The following CROCC2 variants were observed in gnomAD, a reference collection of about 807,000 sequenced individuals.
CROCC2 encodes ciliary rootlet coiled-coil protein 2.
In CROCC2, 163 loss-of-function variants were observed where a neutral mutation model predicts 177.6. The observed-to-expected ratio is 0.92, with a 90% CI of 0.81 to 1.05. The LOEUF (loss-of-function observed/expected upper bound fraction) is 1.05. Among genes scored for constraint, CROCC2 ranks in the 50% least tolerant of loss-of-function variants. CROCC2 has a pLI of 0.00. For synonymous variants in CROCC2, 904 were observed against 787.3 expected, an observed-to-expected ratio of 1.15 and a Z score of -2.48; for missense variants, 1,929 against 1,797.8, an observed-to-expected ratio of 1.07 and a Z score of -1.32.
At chr2:240,921,830 A>C (rs1326849520) in intron 3 of CROCC2, among the ~76,000 whole-genome samples, 2 of 152,206 alleles carry the variant, frequency 1.3e-5, no homozygotes, top group Non-Finnish European at 2.9e-5. Context: ...GCATAGCCAC[A>C]GCTGAGGCCC....
At chr2:240,937,483 C>T (rs2059477677) in intron 14 of CROCC2, among the ~76,000 whole-genome samples, 1 of 152,180 alleles carries the variant, frequency 6.6e-6, no homozygotes, top group African/African-American at 2.4e-5. Context: ...TACATTTTCT[C>T]AATGATATTT....
chr2:240,933,809 C>T lies in CROCC2; in HGVS notation c.1603C>T (p.Leu535=). The change falls in exon 11 of 32, where the codon CTG becomes TTG. Residue 535 remains leucine (L), a synonymous_variant. Coordinates refer to ENST00000690015, the MANE Select transcript of CROCC2 (RefSeq NM_001351305.2). ...LLLQAERREE[L]ALRRERSCRA... is the part of the protein sequence containing the mutation. ...GCTGCAGGCAGAGCGGAGGGAGGAG[C>T]TGGCTCTGCGGAGGGAGCGGAGCTG... The T allele has an allele frequency of 1.3e-6, 2 of 1,548,518 alleles. No homozygotes were observed. Among genetic ancestry groups the T allele is most frequent in the Non-Finnish European group, 1.7e-6 (2 of 1,146,726 alleles).
rs1408483065 is a variant in CROCC2, at chr2:240,958,243, T to C, written c.2944-1058T>C. ...GGGCTCCCAGCCGATGCCCTGTCCC[T>C]GAGGCCCTCACAGGGGTATCCTGCA... On this transcript the variant is annotated intron_variant, in intron 19 of 31. Transcript: ENST00000690015. The surrounding 1 kb of genome is among the most constrained non-coding windows in gnomAD (Gnocchi z 6.7). 2 of 962,426 alleles carry C rather than the reference T, an allele frequency of 2.1e-6. No homozygotes were observed. The highest frequency in any genetic ancestry group is 4.8e-5 in the South Asian group (1 of 20,896). The allele number at this position is 962,426 out of a possible 1,614,324, so 59.6% of individuals were successfully genotyped here.
In CROCC2 at chr2:240,966,407, C is replaced by A; in HGVS notation, c.4144C>A (p.Arg1382=). Residue 1382 remains arginine (R), a splice_region_variant and synonymous_variant, in exon 25 of 32, where the codon CGG becomes AGG. Transcript: ENST00000690015. The part of the protein sequence containing the change: ...VQKLREAQRE[R]DDSRIQMATL... ...GAAGCTCCGGGAAGCCCAGCGGGAG[C>A]GGGTAATGGGGGCTGGGGTCCTCCC... 2.5e-6 allele frequency: 1 copy of A among 401,060 alleles called. No individual in the cohort carries two copies. Among genetic ancestry groups the A allele is most frequent in the Non-Finnish European group, 4.4e-6 (1 of 226,472 alleles). The allele number at this position is 401,060 out of a possible 1,614,324, so 24.8% of individuals were successfully genotyped here. A position where few individuals can be genotyped will look rare whatever the true frequency, so the allele number is the denominator to read the frequency against.
Position 240,920,068 on chromosome 2 carries a change from C to A in CROCC2, c.315C>A (p.Asp105Glu). 2.8e-6 allele frequency: 2 copies of A among 715,382 alleles called. No homozygotes were observed. The highest frequency in any genetic ancestry group is 2.6e-6 in the Non-Finnish European group (1 of 384,680). 44.3% of individuals were successfully genotyped at this position (715,382 alleles called of 1,614,324 possible). The change falls in exon 3 of 32, where the codon GAC becomes GAA. Residue 105 changes from aspartate (D) to glutamate (E), a missense_variant. Physicochemically the swap from Asp to Glu is conservative, Grantham distance 45. Transcript: ENST00000690015. Reference protein sequence around the residue: ...LLQEELTRLGDLLAQASAERD... With the variant: ...LLQEELTRLGELLAQASAERD... ...AGGAGGAGCTGACCCGGCTGGGGGA[C>A]CTGCTGGCCCAGGCCAGCGCCGAGC...
At chr2:240,987,140 G>A (rs868846175) in intron 28 of CROCC2, among the ~76,000 whole-genome samples, 3 of 152,356 alleles carry the variant, frequency 2.0e-5, no homozygotes, top group East Asian at 1.9e-4. Flanking sequence ...GGGGCCTCCC[G>A]TGGACGCTGC....
At chr2:240,910,889 G>A (rs1332469719) in intron 1 of CROCC2, among the ~76,000 whole-genome samples, 1 of 152,062 alleles carries the variant, frequency 6.6e-6, no homozygotes, top group African/African-American at 2.4e-5. Context: ...CCAGCACTTT[G>A]GGAGGCTAAG....
At chr2:240,983,715 T>C in intron 28 of CROCC2, 1 of 984,576 alleles carries the variant, frequency 1.0e-6, no homozygotes, top group Non-Finnish European at 1.4e-6. Context: ...AAGCTCAGGG[T>C]CAGGACGCCC....
Position 240,918,820 on chromosome 2 carries a change from T to G in CROCC2, c.173T>G (p.Val58Gly). 1.6e-6 allele frequency: 1 copy of G among 626,534 alleles called. No homozygotes were observed. Among genetic ancestry groups the G allele is most frequent in the South Asian group, 1.9e-5 (1 of 53,550 alleles). The allele number at this position is 626,534 out of a possible 1,614,324, so 38.8% of individuals were successfully genotyped here. A position where few individuals can be genotyped will look rare whatever the true frequency, so the allele number is the denominator to read the frequency against. ...GGCCGGCAGGCCTCGCCCACCCCCG[T>G]GCCCACCCGCATCCGTGAGATCGTG... is the stretch of plus-strand genomic sequence containing the variant. ...GEGRQASPTP[V>G]PTRIREIVAG... The change falls in exon 2 of 32, where the codon GTG becomes GGG. Residue 58 changes from valine to glycine, a missense_variant. By Grantham distance (109) the Val-to-Gly change is moderately radical. Around this residue, in one of 3 missense-constraint regions of CROCC2, gnomAD observed 1,397 missense variants for 1,239.9 expected, o/e 1.13. Transcript: ENST00000690015. The surrounding 1 kb of genome is among the most constrained non-coding windows in gnomAD (Gnocchi z 6.3).
chr2:240,934,572 C>T (rs758345118), intron 12 of CROCC2, 97 bp downstream of exon 12: 150 of 1,268,160 alleles, frequency 1.2e-4, no homozygotes, highest in Non-Finnish European at 1.6e-4. Context: ...CTCCTGCCTG[C>T]CGGGCCCCTC....
chr2:240,985,954 C>A (rs1431737545), intron 28 of CROCC2: 10 of 456,492 alleles, frequency 2.2e-5, no homozygotes, highest in Non-Finnish European at 8.8e-6. Flanking sequence ...TGGCCTCACA[C>A]CGATCCCTCT....
At chr2:240,933,476 A>G (rs1172427875) in intron 10 of CROCC2, 134 bp downstream of exon 10, 4 of 1,131,176 alleles carry the variant, frequency 3.5e-6, no homozygotes, top group East Asian at 5.2e-5. Flanking sequence ...CTTCTAGCAG[A>G]GTTGTGTGAG....
chr2:240,907,745 G>C (rs796753239), intron 1 of CROCC2, among the ~76,000 whole-genome samples: 141 of 64,492 alleles, frequency 2.2e-3, no homozygotes, highest in South Asian at 4.3e-3. Flanking sequence ...CTCCACCTCG[G>C]GTGACCTCTA....
rs867293149 is a variant in CROCC2, at chr2:240,960,759, C to G, written c.3087+1315C>G. ...GGGCTCAGCCCTCCCCAAGCACCCC[C>G]GAGAGGCAGGCTGAGAGAGGAAGAG... is the stretch of plus-strand genomic sequence containing the variant. On this transcript the variant is annotated intron_variant, in intron 20 of 31. Coordinates refer to ENST00000690015, the MANE Select transcript of CROCC2 (RefSeq NM_001351305.2). This position sits in a 1 kb window ranked among gnomAD's most constrained non-coding sequence, Gnocchi z 5.0. Among the ~76,000 whole-genome samples, 1 of 152,088 alleles carries G rather than the reference C, an allele frequency of 6.6e-6. No individual in the cohort carries two copies. The highest frequency in any genetic ancestry group is 1.5e-5 in the Non-Finnish European group (1 of 68,014).
At chr2:240,967,254 C>G (rs12988969) in intron 25 of CROCC2, 91 bp from the exon 26 acceptor site, 57,456 of 528,460 alleles carry the variant, frequency 0.11, 3,892 homozygotes, top group Non-Finnish European at 0.14. Flanking sequence ...AGACCGTGAG[C>G]GGCCCCAGCT....
At chr2:240,957,165 G>A (rs574849658) in intron 19 of CROCC2, among the ~76,000 whole-genome samples, 31 of 152,224 alleles carry the variant, frequency 2.0e-4, no homozygotes, top group South Asian at 1.2e-3. Context: ...GAGGCTGATC[G>A]CCAACCCCCA....
chr2:240,983,853 C>T (rs923321100), intron 28 of CROCC2, among the ~76,000 whole-genome samples: 18 of 152,200 alleles, frequency 1.2e-4, no homozygotes, highest in African/African-American at 4.1e-4. Context: ...TGCTGGAAAC[C>T]GAGTGGCCTG....
At position 240,973,361 on chromosome 2, in the gene CROCC2, C is replaced by G. The variant is rs1244086465; in HGVS notation, c.4401+5099C>G. Among the ~76,000 whole-genome samples the G allele has an allele frequency of 6.6e-6, 1 of 152,106 alleles. No homozygotes were observed. The highest frequency in any genetic ancestry group is 2.4e-5 in the African/African-American group (1 of 41,426). ...GCAGTGCCCAAGTAGCTGGCCAGGT[C>G]TCTGAGCAGGCGGGAGGCCTGGCAC... On this transcript the variant is annotated intron_variant, in intron 27 of 31. Transcript: ENST00000690015. The surrounding 1 kb of genome is among the most constrained non-coding windows in gnomAD (Gnocchi z 4.7).
rs1553659971 is a variant in CROCC2, at chr2:240,953,812, G to GA, written c.2830-2047_2830-2046insA. Among the ~76,000 whole-genome samples, 1 of 151,958 alleles carries GA rather than the reference G, an allele frequency of 6.6e-6. No homozygotes were observed. The highest frequency in any genetic ancestry group is 1.5e-5 in the Non-Finnish European group (1 of 67,972). On this transcript the variant is annotated intron_variant, in intron 18 of 31. Transcript: ENST00000690015. This position sits in a 1 kb window ranked among gnomAD's most constrained non-coding sequence, Gnocchi z 4.0. ...AGACCTGGAGCCGCTGGCCCAGGAG[G>GA]GGCTGTCTCCACTGGAACCCTCCAT...
Sources: allele counts gnomAD v4.1 joint callset (sites outside exome capture counted in the v4.1 genomes callset), GRCh38; gene constraint gnomAD v4.1.1; regional missense constraint gnomAD v4.1.1; non-coding constraint Gnocchi (gnomAD v3.1); transcripts MANE v1.5; gene names NCBI Gene and HGNC (gene_info 2026-07-23, HGNC 2026-07-21).